The following TRIM2 variants were observed in gnomAD, a reference collection of about 807,000 sequenced individuals.
TRIM2 encodes the protein tripartite motif containing 2, also known as tripartite motif-containing protein 2.
Under a neutral mutation model 75.2 loss-of-function variants are expected in TRIM2, and 20 were observed. The observed-to-expected ratio is 0.27, with a 90% confidence interval of 0.19 to 0.39. The LOEUF (loss-of-function observed/expected upper bound fraction) is 0.39. Among genes scored for constraint, TRIM2 ranks in the 10% least tolerant of loss-of-function variants. TRIM2 has a pLI of 1.00. For synonymous variants in TRIM2, 373 were observed against 388.3 expected, an observed-to-expected ratio of 0.96 and a Z score of 0.46; for missense variants, 660 against 990.8, an observed-to-expected ratio of 0.67 and a Z score of 4.48.
chr4:153,270,144 G>T (rs948715465), intron 1 of TRIM2, among the ~76,000 whole-genome samples, 191 bp from the exon 2 acceptor site: 1 of 151,836 alleles, frequency 6.6e-6, no homozygotes, highest in Non-Finnish European at 1.5e-5. Flanking sequence ...TAGCCAGGAG[G>T]GTCTCGATCT....
chr4:153,270,342 G>A lies in TRIM2; in HGVS notation c.38G>A (p.Arg13His), dbSNP rs767543796. ...TGATTTTCTGTCTGACAGCAGCAGCGTGCAGGGTCAAAGACAGCCGGCCCC... is the reference window on the plus strand; with the variant it reads ...TGATTTTCTGTCTGACAGCAGCAGCATGCAGGGTCAAAGACAGCCGGCCCC... ...RSGRYGTQQQ[R>H]AGSKTAGPPC... The change falls in exon 2 of 12, where the codon CGT becomes CAT. Residue 13 changes from arginine (R) to histidine (H), a missense_variant. Physicochemically the swap from Arg to His is conservative, Grantham distance 29. This residue lies in a region of TRIM2 where 620 missense variants were observed against 891.0 expected (regional missense o/e 0.70). Coordinates refer to ENST00000338700, the MANE Select transcript of TRIM2 (RefSeq NM_015271.5). 9 of 1,611,428 alleles carry A rather than the reference G, an allele frequency of 5.6e-6. No homozygotes were observed. Among genetic ancestry groups the A allele is most frequent in the African/African-American group, 1.3e-5 (1 of 74,844 alleles).
At chr4:153,179,229 T>C (rs1009118000) in intron 1 of TRIM2, among the ~76,000 whole-genome samples, 2 of 151,252 alleles carry the variant, frequency 1.3e-5, no homozygotes, top group Non-Finnish European at 2.9e-5. Context: ...TAATTTTATT[T>C]TTAAAATAAA....
At chr4:153,235,269 G>A (rs1744718234) in intron 1 of TRIM2, among the ~76,000 whole-genome samples, 1 of 151,192 alleles carries the variant, frequency 6.6e-6, no homozygotes, top group South Asian at 2.1e-4. Flanking sequence ...AGCTGTGCCT[G>A]CTTCATAGAG....
At chr4:153,314,607 G>A (rs922927041) in intron 6 of TRIM2, among the ~76,000 whole-genome samples, 1 of 149,428 alleles carries the variant, frequency 6.7e-6, no homozygotes, top group African/African-American at 2.5e-5. Context: ...ATCAAAAAAA[G>A]AATCTAGTAT....
At chr4:153,324,969 A>G (rs775560353) in intron 10 of TRIM2, among the ~76,000 whole-genome samples, 3 of 152,200 alleles carry the variant, frequency 2.0e-5, no homozygotes, top group Non-Finnish European at 4.4e-5. Flanking sequence ...AAATACATTA[A>G]TCTAAATTTT....
chr4:153,289,308 T>A (rs1761357682), intron 3 of TRIM2, among the ~76,000 whole-genome samples: 1 of 152,230 alleles, frequency 6.6e-6, no homozygotes, highest in Non-Finnish European at 1.5e-5. Context: ...TTCCCCACTT[T>A]TATTATCCAA....
chr4:153,302,651 A>T (rs1764156660), intron 6 of TRIM2, among the ~76,000 whole-genome samples: 1 of 152,240 alleles, frequency 6.6e-6, no homozygotes, highest in Non-Finnish European at 1.5e-5. Flanking sequence ...TGAAAAGGTC[A>T]AAGGGATTAA....
chr4:153,306,710 G>A (rs914936051), intron 6 of TRIM2, among the ~76,000 whole-genome samples: 26 of 152,142 alleles, frequency 1.7e-4, no homozygotes, highest in African/African-American at 6.0e-4. Context: ...CATCATATTT[G>A]TTATGCTGGA....
At chr4:153,204,285 C>T (rs1312312476), upstream of TRIM2, among the ~76,000 whole-genome samples, 5 of 152,198 alleles carry the variant, frequency 3.3e-5, no homozygotes, top group Non-Finnish European at 4.4e-5. Context: ...GTTTCTCATT[C>T]CCGTCTCCCC....
Position 153,296,635 on chromosome 4 carries a change from G to A in TRIM2, c.1510+599G>A, listed in dbSNP as rs910290489. The stretch of plus-strand genomic sequence containing the variant: ...CTTGGAGAAAGAATGGGGTTGAGGC[G>A]GGGTTGGGGTGGAAGCAAGAAGGTA... On this transcript the variant is annotated intron_variant, in intron 6 of 11. Transcript: ENST00000338700. Among the ~76,000 whole-genome samples, 14 of 152,198 alleles carry A rather than the reference G, an allele frequency of 9.2e-5. 1 individual carries two copies. Among genetic ancestry groups the A allele is most frequent in the African/African-American group, 7.2e-5 (3 of 41,440 alleles).
At chr4:153,241,553 G>T (rs576173527) in intron 1 of TRIM2, among the ~76,000 whole-genome samples, 1 of 152,286 alleles carries the variant, frequency 6.6e-6, no homozygotes, top group East Asian at 1.9e-4. Context: ...AAGTCAGGAG[G>T]GTTAGGAAGG....
chr4:153,165,057 C>T (rs56030971), intron 1 of TRIM2, among the ~76,000 whole-genome samples: 35,873 of 151,948 alleles, frequency 0.24, 4,338 homozygotes, highest in East Asian at 0.31. Context: ...AAAACGTTCC[C>T]GACACTTTAT....
intron 1 of TRIM2, among the ~76,000 whole-genome samples, chr4:153,256,545 T>A (rs1752125457): frequency 6.6e-6 from 1 of 152,240 alleles, no homozygotes; most frequent in South Asian, 2.1e-4. Flanking sequence ...TATGTAAGAT[T>A]TTTTATTCTA....
chr4:153,161,669 A>G (rs1729752656), intron 1 of TRIM2, among the ~76,000 whole-genome samples: 1 of 152,186 alleles, frequency 6.6e-6, no homozygotes, highest in African/African-American at 2.4e-5. Flanking sequence ...TACACTTATT[A>G]GTTTTCTTTG....
At chr4:153,270,260 T>C in intron 1 of TRIM2, 75 bp from the exon 2 acceptor site, 7 of 1,515,002 alleles carry the variant, frequency 4.6e-6, no homozygotes, top group Non-Finnish European at 6.3e-6. Flanking sequence ...ACAATGCTTA[T>C]GGTGAAAGAG....
rs72414117 is a variant in TRIM2 at position 153,273,270 on chromosome 4, C to CTTTTTTTTTTTTTTTTTTTTTTTTT, written c.216-2600_216-2599insTTTTTTTTTTTTTTTTTTTTTTTTT. 2.6e-4 allele frequency among the ~76,000 whole-genome samples: 15 copies of CTTTTTTTTTTTTTTTTTTTTTTTTT among 57,386 alleles called. 3 individuals are homozygous for CTTTTTTTTTTTTTTTTTTTTTTTTT. Among genetic ancestry groups the CTTTTTTTTTTTTTTTTTTTTTTTTT allele is most frequent in the South Asian group, 9.8e-4 (1 of 1,024 alleles). 37.6% of individuals were successfully genotyped at this position (57,386 alleles called of 152,430 possible). A position where few individuals can be genotyped will look rare whatever the true frequency, so the allele number is the denominator to read the frequency against. Reference sequence around the variant, plus strand: ...ACTCAGTGAGCACCTTACAGTCACTCTTTTTTTTTTTTTTTTTTTTTTTGA... The same window carrying CTTTTTTTTTTTTTTTTTTTTTTTTT: ...ACTCAGTGAGCACCTTACAGTCACTCTTTTTTTTTTTTTTTTTTTTTTTTTTTTTTTTTTTTTTTTTTTTTTTTGA... On this transcript the variant is annotated intron_variant, in intron 2 of 11. Transcript: ENST00000338700.
At chr4:153,239,268 C>T (rs189548196) in intron 1 of TRIM2, among the ~76,000 whole-genome samples, 6 of 151,396 alleles carry the variant, frequency 4.0e-5, no homozygotes, top group Non-Finnish European at 7.4e-5. Context: ...AGGAGAATGG[C>T]GTGAACGCGG....
intron 9 of TRIM2, among the ~76,000 whole-genome samples, chr4:153,323,503 A>G (rs1050626527): frequency 3.3e-5 from 5 of 151,058 alleles, no homozygotes; most frequent in Non-Finnish European, 1.5e-5. Flanking sequence ...TGTTTTTGAG[A>G]CAGGGTCTCG....
intron 1 of TRIM2, among the ~76,000 whole-genome samples, chr4:153,241,680 C>A (rs377498484): frequency 6.6e-6 from 1 of 152,140 alleles, no homozygotes; most frequent in Non-Finnish European, 1.5e-5. Flanking sequence ...AAGAGCGCCT[C>A]GTTGCTCATG....
Sources: gnomAD v4.1 joint callset for allele counts (sites outside exome capture counted in the v4.1 genomes callset) on GRCh38, gnomAD v4.1.1 for gene constraint, gnomAD v4.1.1 regional missense constraint, MANE v1.5 for transcripts, NCBI Gene and HGNC (gene_info 2026-07-23, HGNC 2026-07-21) for gene names.